Variants in PRKAR2A observed in about 807,000 individuals in gnomAD.
The protein encoded by PRKAR2A is cAMP-dependent protein kinase type II-alpha regulatory subunit.
A neutral mutation model predicts 51.9 loss-of-function variants in PRKAR2A; 29 were observed. The ratio of observed to expected loss-of-function variants is 0.56; its 90% CI spans 0.42 to 0.76. PRKAR2A has a LOEUF of 0.76. Ranked by LOEUF, PRKAR2A falls within the 30% of genes least tolerant of loss-of-function variation. The probability of loss-of-function intolerance (pLI) is 0.00; values close to 1 mark genes in which losing one functional copy is unlikely to be tolerated. For missense variants in PRKAR2A, 445 were observed against 512.1 expected, an observed-to-expected ratio of 0.87 and a Z score of 1.26; for synonymous variants, 178 against 186.2, an observed-to-expected ratio of 0.96 and a Z score of 0.36.
At chr3:48,843,214 T>C (rs1428549931) in intron 1 of PRKAR2A, among the ~76,000 whole-genome samples, 3 of 152,218 alleles carry the variant, frequency 2.0e-5, no homozygotes, top group African/African-American at 7.2e-5. Flanking sequence ...GTTTGTAGTA[T>C]TCTCTGATGG....
Position 48,777,913 on chromosome 3 carries a change from T to G in PRKAR2A, c.543-4805A>C, listed in dbSNP as rs1485411953. Reference sequence around the variant, plus strand: ...TAAATAGGAAACATAGAATTCAGTGTTTTTAGCGTCTCCTCCAGACACTAG... The same window carrying G: ...TAAATAGGAAACATAGAATTCAGTGGTTTTAGCGTCTCCTCCAGACACTAG... On this transcript the variant is annotated intron_variant, in intron 5 of 10. Coordinates refer to ENST00000265563, the MANE Select transcript of PRKAR2A (RefSeq NM_004157.4). Among the ~76,000 whole-genome samples, 15 of 152,164 alleles carry G rather than the reference T, an allele frequency of 9.9e-5. 1 individual carries two copies. In the South Asian group the frequency reaches 3.1e-3, roughly 32 times the overall value.
intron 1 of PRKAR2A, among the ~76,000 whole-genome samples, chr3:48,814,160 A>C (rs890492464): frequency 6.6e-6 from 1 of 152,044 alleles, no homozygotes; most frequent in Non-Finnish European, 1.5e-5. Flanking sequence ...AGGCAGGAAA[A>C]TCACTTGAAC....
intron 6 of PRKAR2A, 105 bp downstream of exon 6, chr3:48,772,850 G>T (rs2082048191): frequency 8.2e-7 from 1 of 1,218,448 alleles, no homozygotes; most frequent in African/African-American, 1.5e-5. Context: ...CACCGTGTTA[G>T]CCAGGATGGC....
intron 1 of PRKAR2A, among the ~76,000 whole-genome samples, chr3:48,828,651 A>T (rs2083110886): frequency 7.0e-6 from 1 of 143,686 alleles, no homozygotes; most frequent in Non-Finnish European, 1.5e-5. Context: ...AAACCCAAAA[A>T]GCTGAGGTTG....
At chr3:48,836,884 C>A (rs1375070720) in intron 1 of PRKAR2A, among the ~76,000 whole-genome samples, 1 of 151,996 alleles carries the variant, frequency 6.6e-6, no homozygotes, top group Non-Finnish European at 1.5e-5. Flanking sequence ...GTAATCCCAG[C>A]ACTTTGGGAG....
intron 8 of PRKAR2A, among the ~76,000 whole-genome samples, chr3:48,762,961 G>C (rs575888479): frequency 3.3e-5 from 5 of 152,142 alleles, no homozygotes; most frequent in African/African-American, 1.2e-4. Flanking sequence ...AAACATCAAT[G>C]GTTTCCAGGA....
At chr3:48,835,892 T>C (rs756572132) in intron 1 of PRKAR2A, among the ~76,000 whole-genome samples, 16 of 152,138 alleles carry the variant, frequency 1.1e-4, no homozygotes, top group Non-Finnish European at 2.1e-4. Context: ...GAGTTATCTA[T>C]AGTAATCAAG....
chr3:48,804,990 C>A (rs1052385847), intron 2 of PRKAR2A, among the ~76,000 whole-genome samples: 2 of 152,130 alleles, frequency 1.3e-5, no homozygotes, highest in African/African-American at 4.8e-5. Flanking sequence ...CAGCTCACTG[C>A]AGCATTGACC....
chr3:48,838,920 C>G (rs925963283), intron 1 of PRKAR2A, among the ~76,000 whole-genome samples: 1 of 147,190 alleles, frequency 6.8e-6, no homozygotes, highest in African/African-American at 2.5e-5. Flanking sequence ...GGAGGTGGAG[C>G]TTGCAGTCAG....
intron 1 of PRKAR2A, among the ~76,000 whole-genome samples, chr3:48,838,268 A>G (rs527668448): frequency 1.1e-4 from 17 of 152,212 alleles, no homozygotes; most frequent in Non-Finnish European, 2.2e-4. Flanking sequence ...AGATTAGAGG[A>G]TGCCTAGGGA....
chr3:48,786,244 C>T lies in PRKAR2A; in HGVS notation c.436-3152G>A, dbSNP rs550379105. Among the ~76,000 whole-genome samples, 20 of 150,246 alleles carry T rather than the reference C, an allele frequency of 1.3e-4. 1 individual carries two copies. In the South Asian group the frequency reaches 3.2e-3, roughly 24 times the overall value. ...GGTTCAAGTGATTCTCCTGCCTCAG[C>T]CTCCCGAGTAGCTGAGATTACAGGT... On this transcript the variant is annotated intron_variant, in intron 4 of 10. Coordinates refer to ENST00000265563, the MANE Select transcript of PRKAR2A (RefSeq NM_004157.4).
intron 3 of PRKAR2A, among the ~76,000 whole-genome samples, chr3:48,792,694 CAG>C (rs2082411408): frequency 6.6e-6 from 1 of 151,928 alleles, no homozygotes; most frequent in African/African-American, 2.4e-5. Flanking sequence ...CTCCTGACCT[CAG>C]GTGATCCACC....
intron 1 of PRKAR2A, among the ~76,000 whole-genome samples, chr3:48,819,942 CTTGTG>C (rs2082935206): frequency 6.6e-6 from 1 of 152,148 alleles, no homozygotes; most frequent in South Asian, 2.1e-4. Flanking sequence ...ATGTGAAGTC[CTTGTG>C]GGACTTCACT....
intron 1 of PRKAR2A, among the ~76,000 whole-genome samples, chr3:48,819,281 G>A (rs547373874): frequency 6.6e-6 from 1 of 152,232 alleles, no homozygotes; most frequent in African/African-American, 2.4e-5. Context: ...CTCCCAAAGT[G>A]CTGGGATTAC....
intron 1 of PRKAR2A, among the ~76,000 whole-genome samples, chr3:48,838,877 G>T (rs775076862): frequency 6.6e-6 from 1 of 151,954 alleles, no homozygotes; most frequent in African/African-American, 2.4e-5. Context: ...CCAGCTACTC[G>T]GGAGGCTGAG....
At chr3:48,760,835 CAA>C (rs538538946) in intron 8 of PRKAR2A, among the ~76,000 whole-genome samples, 36 of 64,270 alleles carry the variant, frequency 5.6e-4, no homozygotes, top group Admixed American at 1.5e-3. Context: ...AACTCCGTCT[CAA>C]AAAAAAAAAA....
At chr3:48,810,273 T>C (rs888974257) in intron 1 of PRKAR2A, among the ~76,000 whole-genome samples, 3 of 152,174 alleles carry the variant, frequency 2.0e-5, no homozygotes, top group Non-Finnish European at 4.4e-5. Flanking sequence ...AATATATACA[T>C]ATATTTGTGT....
chr3:48,758,504 A>T (rs1324888480), intron 8 of PRKAR2A, among the ~76,000 whole-genome samples: 1 of 148,798 alleles, frequency 6.7e-6, no homozygotes, highest in Non-Finnish European at 1.5e-5. Flanking sequence ...AATCGCTTGA[A>T]CCCAGGAGGT....
chr3:48,780,554 G>C (rs534726586), intron 5 of PRKAR2A, among the ~76,000 whole-genome samples: 207 of 142,376 alleles, frequency 1.5e-3, no homozygotes, highest in Non-Finnish European at 2.8e-3. Context: ...AGTGAGCCAA[G>C]ATCGCGCCAC....
Sources: allele counts gnomAD v4.1 joint callset (sites outside exome capture counted in the v4.1 genomes callset), GRCh38; gene constraint gnomAD v4.1.1; transcripts MANE v1.5; gene names NCBI Gene and HGNC (gene_info 2026-07-23, HGNC 2026-07-21).